The following FLNB variants were observed in gnomAD, a reference collection of about 807,000 sequenced individuals.
The protein encoded by FLNB is filamin B.
A neutral mutation model predicts 250.6 loss-of-function variants in FLNB; 111 were observed. The ratio of observed to expected loss-of-function variants is 0.44; its 90% CI spans 0.38 to 0.52. FLNB has a LOEUF of 0.52. Among genes scored for constraint, FLNB ranks in the 20% least tolerant of loss-of-function variants. The pLI, the probability that FLNB is intolerant of heterozygous loss-of-function variation, is 0.00. For missense variants in FLNB, 2,869 were observed against 3,447.8 expected, an observed-to-expected ratio of 0.83 and a Z score of 4.20; for synonymous variants, 1,302 against 1,372.1, an observed-to-expected ratio of 0.95 and a Z score of 1.13.
At chr3:58,104,192 T>C in intron 10 of FLNB, 107 bp downstream of exon 10, 2 of 1,170,530 alleles carry the variant, frequency 1.7e-6, no homozygotes, top group South Asian at 3.0e-5. Flanking sequence ...TCTGCTTTGT[T>C]GAAAACTTTT....
chr3:58,117,459 C>T (rs375463905), intron 18 of FLNB, among the ~76,000 whole-genome samples: 15 of 152,190 alleles, frequency 9.9e-5, no homozygotes, highest in African/African-American at 2.4e-4. Flanking sequence ...AAACTTTATG[C>T]GGGTGAGGGA....
chr3:58,100,373 A>AAAAAAAAATATATATATATATAT lies in FLNB; in HGVS notation c.1345+1466_1345+1467insAAAAAAATATATATATATATATA. Among the ~76,000 whole-genome samples, 533 of 104,310 alleles carry AAAAAAAAATATATATATATATAT rather than the reference A, an allele frequency of 5.1e-3. 6 individuals are homozygous for AAAAAAAAATATATATATATATAT. Among genetic ancestry groups the AAAAAAAAATATATATATATATAT allele is most frequent in the Non-Finnish European group, 6.6e-3 (369 of 55,992 alleles). The allele number at this position is 104,310 out of a possible 152,430, so 68.4% of individuals were successfully genotyped here. On this transcript the variant is annotated intron_variant, in intron 8 of 45. Transcript: ENST00000295956. ...AATGATTTTACATATGTAAAAAAAA[A>AAAAAAAAATATATATATATATAT]ATATATATATATTTGCAGGGGCGCG...
chr3:58,148,888 TG>T, intron 36 of FLNB, 36 bp downstream of exon 36: 1 of 1,582,166 alleles, frequency 6.3e-7, no homozygotes, highest in Non-Finnish European at 8.6e-7. Context: ...CCAGAGCTTG[TG>T]GGAACCGACT....
intron 19 of FLNB, among the ~76,000 whole-genome samples, chr3:58,121,040 T>G (rs2097287993): frequency 6.6e-6 from 1 of 152,252 alleles, no homozygotes; most frequent in African/African-American, 2.4e-5. Context: ...AATTGATTAT[T>G]GTGCCGACAC....
intron 29 of FLNB, among the ~76,000 whole-genome samples, chr3:58,141,564 A>G (rs2097327067): frequency 1.3e-5 from 2 of 152,216 alleles, no homozygotes; most frequent in Non-Finnish European, 2.9e-5. Context: ...TTGCACGACC[A>G]CAGACAGCAC....
At chr3:58,011,824 A>G (rs1322879783) in intron 1 of FLNB, among the ~76,000 whole-genome samples, 23 of 151,818 alleles carry the variant, frequency 1.5e-4, no homozygotes, top group Non-Finnish European at 1.5e-5. Flanking sequence ...CAAGTCACTT[A>G]GAGAGTTCAG....
At chr3:58,098,451 C>T (rs11712175) in intron 7 of FLNB, among the ~76,000 whole-genome samples, 2 of 152,322 alleles carry the variant, frequency 1.3e-5, no homozygotes, top group South Asian at 2.1e-4. Context: ...ATACATCAGC[C>T]TCTCAAGTAG....
At chr3:58,057,039 G>A (rs1377572627) in intron 1 of FLNB, among the ~76,000 whole-genome samples, 2 of 152,176 alleles carry the variant, frequency 1.3e-5, no homozygotes, top group Non-Finnish European at 2.9e-5. Context: ...GCGTGCAGTG[G>A]CATGAACAGG....
At chr3:58,090,725 T>A (rs149682098) in intron 4 of FLNB, among the ~76,000 whole-genome samples, 10 of 152,322 alleles carry the variant, frequency 6.6e-5, no homozygotes, top group African/African-American at 2.4e-4. Context: ...GAAGTATGCA[T>A]TATAACCAAG....
chr3:58,091,531 A>G (rs1355409291), intron 4 of FLNB, among the ~76,000 whole-genome samples: 2 of 152,210 alleles, frequency 1.3e-5, no homozygotes, highest in African/African-American at 2.4e-5. Flanking sequence ...AAAAACCCAT[A>G]TAACTATAAA....
intron 1 of FLNB, among the ~76,000 whole-genome samples, chr3:58,056,633 G>T (rs532993911): frequency 6.6e-6 from 1 of 151,580 alleles, no homozygotes; most frequent in Non-Finnish European, 1.5e-5. Flanking sequence ...ACGGAGTCTC[G>T]CTTTGTTGCC....
chr3:58,029,465 GT>G lies in FLNB; in HGVS notation c.292+20615del, dbSNP rs1323477403. 4.0e-5 allele frequency among the ~76,000 whole-genome samples: 6 copies of G among 151,018 alleles called. No homozygotes were observed. The East Asian group carries it at 9.7e-4, about 24-fold the overall frequency. On this transcript the variant is annotated intron_variant, in intron 1 of 45. Coordinates refer to ENST00000295956, the MANE Select transcript of FLNB (RefSeq NM_001457.4). ...CTTAGGGCCCCCTTTCTTCTGTTGG[GT>G]TTTTTGGGAGAAGGGAAGTTGTGAT...
At chr3:58,016,535 T>G (rs1293224120) in intron 1 of FLNB, among the ~76,000 whole-genome samples, 1 of 151,018 alleles carries the variant, frequency 6.6e-6, no homozygotes, top group East Asian at 1.9e-4. Flanking sequence ...TACTGTCAAT[T>G]TGTATATTAA....
chr3:58,112,196 G>T lies in FLNB; in HGVS notation c.2623G>T (p.Ala875Ser). 1 of 1,614,182 alleles carries T rather than the reference G, an allele frequency of 6.2e-7. No individual in the cohort carries two copies. The highest frequency in any genetic ancestry group is 8.5e-7 in the Non-Finnish European group (1 of 1,180,020). The change falls in exon 18 of 46, where the codon GCT (alanine) becomes TCT (serine). Residue 875 changes from alanine to serine, a missense_variant. Around this residue, in one of 5 missense-constraint regions of FLNB, gnomAD observed 1,348 missense variants for 1,466.7 expected, o/e 0.92. Coordinates refer to ENST00000295956, the MANE Select transcript of FLNB (RefSeq NM_001457.4). ...CCACTTCACTGTCTACACCAAGGGG[G>T]CTGGGAAAGCCCCGCTCAACGTGCA... ...PTHFTVYTKGAGKAPLNVQFN... is the reference protein window; with the variant it reads ...PTHFTVYTKGSGKAPLNVQFN...
intron 42 of FLNB, among the ~76,000 whole-genome samples, chr3:58,160,916 G>A (rs1386912669): frequency 1.3e-5 from 2 of 152,140 alleles, no homozygotes; most frequent in Admixed American, 6.5e-5. Context: ...CCAGGAGGTC[G>A]AGACTGCTGT....
At chr3:58,111,919 C>A in intron 17 of FLNB, 38 bp downstream of exon 17, 1 of 1,534,406 alleles carries the variant, frequency 6.5e-7, no homozygotes, top group Non-Finnish European at 9.0e-7. Context: ...GGCCCCTCTG[C>A]CAGCCGGTGG....
chr3:58,027,097 A>G (rs1361975686), intron 1 of FLNB, among the ~76,000 whole-genome samples: 1 of 151,812 alleles, frequency 6.6e-6, no homozygotes, highest in Non-Finnish European at 1.5e-5. Flanking sequence ...AAGGTGTAGG[A>G]CATGCTGGAT....
chr3:58,020,029 C>T (rs2097111328), intron 1 of FLNB, among the ~76,000 whole-genome samples: 1 of 150,728 alleles, frequency 6.6e-6, no homozygotes, highest in South Asian at 2.1e-4. Flanking sequence ...GCTCACAGCA[C>T]ACACCATGAC....
intron 4 of FLNB, among the ~76,000 whole-genome samples, chr3:58,089,911 C>G (rs1365595679): frequency 6.6e-6 from 1 of 152,000 alleles, no homozygotes; most frequent in Admixed American, 6.5e-5. Flanking sequence ...CTCAGCCTCC[C>G]TAGTAGCTGG....
Sources: gnomAD v4.1 joint callset for allele counts (sites outside exome capture counted in the v4.1 genomes callset) on GRCh38, gnomAD v4.1.1 for gene constraint, gnomAD v4.1.1 regional missense constraint, MANE v1.5 for transcripts, NCBI Gene and HGNC (gene_info 2026-07-23, HGNC 2026-07-21) for gene names.